ZBTB21: variants seen among roughly 807,000 people sequenced by gnomAD.
ZBTB21 encodes zinc finger and BTB domain containing 21.
ZBTB21 carries 10 observed loss-of-function variants against 39.8 expected under a neutral mutation model. The ratio of observed to expected loss-of-function variants is 0.25; its 90% CI spans 0.16 to 0.43. The LOEUF is 0.43. ZBTB21 is among the 20% of genes least tolerant of loss of function. The pLI is 1.00. For missense variants in ZBTB21, 1,221 were observed against 1,296.3 expected, an observed-to-expected ratio of 0.94 and a Z score of 0.89; for synonymous variants, 551 against 498.8, an observed-to-expected ratio of 1.10 and a Z score of -1.40.
In ZBTB21 at chr21:41,994,006, A is replaced by G; in HGVS notation, c.90T>C (p.Cys30=). 6.2e-7 allele frequency: 1 copy of G among 1,614,268 alleles called. No homozygotes were observed. Among genetic ancestry groups the G allele is most frequent in the Non-Finnish European group, 8.5e-7 (1 of 1,180,050 alleles). Residue 30 remains cysteine (C), a synonymous_variant, in exon 3 of 3, where the codon TGT becomes TGC. Transcript: ENST00000310826. ...LNEERLKGQL[C]DVLLIVGDQK... ...GGTCTCCAACAATCAGCAGCACATC[A>G]CACAGCTGTCCTTTGAGACGCTCCT...
intron 1 of ZBTB21, 94 bp downstream of exon 1, chr21:42,010,158 G>C: frequency 1.3e-5 from 5 of 390,284 alleles, no homozygotes; most frequent in Non-Finnish European, 2.3e-5. Context: ...TCACCTCAGA[G>C]TTACGTCAGG....
chr21:41,991,873 C>T lies in ZBTB21; in HGVS notation c.2223G>A (p.Glu741=). 1 of 1,614,200 alleles carries T rather than the reference C, an allele frequency of 6.2e-7. No individual in the cohort carries two copies. Among genetic ancestry groups the T allele is most frequent in the Non-Finnish European group, 8.5e-7 (1 of 1,180,048 alleles). The change falls in exon 3 of 3, where the codon GAG becomes GAA. Residue 741 remains glutamate (E), a synonymous_variant. Coordinates refer to ENST00000310826, the MANE Select transcript of ZBTB21 (RefSeq NM_001098402.2). The surrounding 1 kb of genome is among the most constrained non-coding windows in gnomAD (Gnocchi z 4.9). ...LSSLLEQGSH[E]RLCRNAAVCP... ...AGACGGCCGCGTTCCGGCACAGCCG[C>T]TCGTGGCTTCCTTGCTCTAGGAGAG... is the stretch of plus-strand genomic sequence containing the variant.
Position 41,989,646 on chromosome 21 carries a change from A to C in ZBTB21, c.*1249T>G, listed in dbSNP as rs370919283. 1.6e-4 allele frequency: 25 copies of C among 152,316 alleles called. No homozygotes were observed. Among genetic ancestry groups the C allele is most frequent in the African/African-American group, 6.0e-4 (25 of 41,578 alleles). 9.4% of individuals were successfully genotyped at this position (152,316 alleles called of 1,614,324 possible). A position where few individuals can be genotyped will look rare whatever the true frequency, so the allele number is the denominator to read the frequency against. On this transcript the variant is annotated 3_prime_UTR_variant, in exon 3 of 3. Transcript: ENST00000310826. Reference sequence around the variant, plus strand: ...ACCCATGGAGCAAAATAAGTAGCTAAAACTAATTTTGGACCACTGATAGTG... The same window carrying C: ...ACCCATGGAGCAAAATAAGTAGCTACAACTAATTTTGGACCACTGATAGTG...
chr21:41,994,133 T>C (rs372789781), intron 2 of ZBTB21, 25 bp from the exon 3 acceptor site: 10 of 1,532,070 alleles, frequency 6.5e-6, no homozygotes, highest in Non-Finnish European at 8.7e-6. Flanking sequence ...GTAAAATTAC[T>C]ACAGATATTG....
chr21:41,992,841 C>T lies in ZBTB21; in HGVS notation c.1255G>A (p.Glu419Lys), dbSNP rs1169584905. ...ACCTCAGTCACAGGGGAAGCTCCCT[C>T]CCTGTCTGTTGACTGAGAAGCACTA... is the stretch of plus-strand genomic sequence containing the variant. ...SFSASQSTDR[E>K]GASPVTEVRI... Residue 419 changes from glutamate to lysine, a missense_variant, in exon 3 of 3, where the codon GAG becomes AAG. Around this residue, in one of 4 missense-constraint regions of ZBTB21, gnomAD observed 500 missense variants for 465.6 expected, o/e 1.07. Transcript: ENST00000310826. The surrounding 1 kb of genome is among the most constrained non-coding windows in gnomAD (Gnocchi z 4.1). 6 of 1,614,048 alleles carry T rather than the reference C, an allele frequency of 3.7e-6. No homozygotes were observed. The highest frequency in any genetic ancestry group is 1.1e-5 in the South Asian group (1 of 91,072).
intron 1 of ZBTB21, among the ~76,000 whole-genome samples, chr21:42,003,389 A>G (rs2065840525): frequency 6.6e-6 from 1 of 152,204 alleles, no homozygotes; most frequent in South Asian, 2.1e-4. Flanking sequence ...TAGGACAGAC[A>G]ATAATTAACA....
chr21:41,993,350 C>CT lies in ZBTB21; in HGVS notation c.745dup (p.Arg249LysfsTer6). ...ACCTGGTTTATCATCCATAGCTTCT[C>CT]TGTCTTGCAGAGGCTTTGAAGGCAA... is the stretch of plus-strand genomic sequence containing the variant. On this transcript the variant is annotated frameshift_variant, in exon 3 of 3. Transcript: ENST00000310826. LOFTEE classifies it high-confidence loss of function. The CT allele has an allele frequency of 6.2e-7, 1 of 1,613,796 alleles. No homozygotes were observed. Among genetic ancestry groups the CT allele is most frequent in the Non-Finnish European group, 8.5e-7 (1 of 1,179,924 alleles).
At chr21:41,997,716 C>A (rs527896367) in intron 2 of ZBTB21, among the ~76,000 whole-genome samples, 2 of 152,164 alleles carry the variant, frequency 1.3e-5, no homozygotes, top group Non-Finnish European at 2.9e-5. Flanking sequence ...TCAACAATAG[C>A]ACAAAGGAAA....
chr21:41,998,217 G>C (rs2065775057), intron 2 of ZBTB21, among the ~76,000 whole-genome samples: 1 of 149,042 alleles, frequency 6.7e-6, no homozygotes, highest in East Asian at 2.0e-4. Flanking sequence ...TTCTAGACAG[G>C]GTCTCGCTCT....
At chr21:41,999,923 T>C (rs2146317541) in intron 2 of ZBTB21, among the ~76,000 whole-genome samples, 1 of 152,318 alleles carries the variant, frequency 6.6e-6, no homozygotes, top group South Asian at 2.1e-4. Flanking sequence ...AGCAGAGGAA[T>C]GACAAAGACC....
chr21:41,992,190 T>A lies in ZBTB21; in HGVS notation c.1906A>T (p.Ile636Phe), dbSNP rs774925674. The A allele has an allele frequency of 6.2e-7, 1 of 1,614,194 alleles. No homozygotes were observed. The highest frequency in any genetic ancestry group is 8.5e-7 in the Non-Finnish European group (1 of 1,180,034). Residue 636 changes from isoleucine to phenylalanine, a missense_variant, in exon 3 of 3, where the codon ATC becomes TTC. By Grantham distance (21) the Ile-to-Phe change is conservative. Transcript: ENST00000310826. The surrounding 1 kb of genome is among the most constrained non-coding windows in gnomAD (Gnocchi z 4.1). Reference sequence around the variant, plus strand: ...GGCTTGCCGCGCCTTAACTTAATGATCAGGGCCTTCTTAATTTCTCTCTCT... The same window carrying A: ...GGCTTGCCGCGCCTTAACTTAATGAACAGGGCCTTCTTAATTTCTCTCTCT... ...VREREIKKAL[I>F]IKLRRGKPGF...
chr21:41,988,185 T>C lies in ZBTB21; in HGVS notation c.*2710A>G, dbSNP rs1234794862. 1 of 129,988 alleles carries C rather than the reference T, an allele frequency of 7.7e-6. No individual in the cohort carries two copies. The highest frequency in any genetic ancestry group is 3.0e-5 in the African/African-American group (1 of 33,744). 8.1% of individuals were successfully genotyped at this position (129,988 alleles called of 1,614,324 possible). A position where few individuals can be genotyped will look rare whatever the true frequency, so the allele number is the denominator to read the frequency against. On this transcript the variant is annotated 3_prime_UTR_variant, in exon 3 of 3. Transcript: ENST00000310826. ...CTTTGAGTGATAAAAACATGTTTTATGTTACTCCTTCCTTCTCCCACATAA... is the reference window on the plus strand; with the variant it reads ...CTTTGAGTGATAAAAACATGTTTTACGTTACTCCTTCCTTCTCCCACATAA...
At chr21:42,004,612 C>G (rs2065856913) in intron 1 of ZBTB21, among the ~76,000 whole-genome samples, 1 of 152,186 alleles carries the variant, frequency 6.6e-6, no homozygotes, top group Admixed American at 6.5e-5. Flanking sequence ...AGCCACAAAA[C>G]TGCTACTACC....
intron 1 of ZBTB21, chr21:42,009,109 C>CCAG (rs750429928): frequency 1.3e-5 from 2 of 152,018 alleles, no homozygotes; most frequent in Non-Finnish European, 2.9e-5. Context: ...AGGCTCGGTG[C>CCAG]CAGGGCTGTG....
intron 2 of ZBTB21, among the ~76,000 whole-genome samples, chr21:42,000,345 G>C (rs1431758093): frequency 1.3e-5 from 2 of 152,064 alleles, no homozygotes; most frequent in South Asian, 2.1e-4. Flanking sequence ...TGCTTCCTGG[G>C]ATCAGTTCCC....
intron 1 of ZBTB21, among the ~76,000 whole-genome samples, chr21:42,005,151 C>T (rs2065864296): frequency 6.6e-6 from 1 of 152,204 alleles, no homozygotes; most frequent in African/African-American, 2.4e-5. Context: ...TGCACCTTAG[C>T]AGAGCAGACT....
At position 41,989,597 on chromosome 21, in the gene ZBTB21, A is replaced by G. The variant is rs117131870; in HGVS notation, c.*1298T>C. 1 of 152,168 alleles carries G rather than the reference A, an allele frequency of 6.6e-6. No individual in the cohort carries two copies. The highest frequency in any genetic ancestry group is 1.5e-5 in the Non-Finnish European group (1 of 67,994). The allele number at this position is 152,168 out of a possible 1,614,324, so 9.4% of individuals were successfully genotyped here. On this transcript the variant is annotated 3_prime_UTR_variant, in exon 3 of 3. Coordinates refer to ENST00000310826, the MANE Select transcript of ZBTB21 (RefSeq NM_001098402.2). The stretch of plus-strand genomic sequence containing the variant: ...AAAGGCTTTCAATTACAAATTATAC[A>G]TAGTATTCTTTGAAAAGCCCAAAAC...
intron 2 of ZBTB21, among the ~76,000 whole-genome samples, chr21:41,995,110 A>G (rs994013770): frequency 6.6e-6 from 1 of 152,208 alleles, no homozygotes; most frequent in African/African-American, 2.4e-5. Flanking sequence ...AAAATGGACT[A>G]ATACAGTAAA....
At chr21:41,994,516 A>C (rs905794604) in intron 2 of ZBTB21, among the ~76,000 whole-genome samples, 1 of 152,248 alleles carries the variant, frequency 6.6e-6, no homozygotes, top group Non-Finnish European at 1.5e-5. Flanking sequence ...TATAATTCTG[A>C]AAGAAAATCA....
Sources: gnomAD v4.1 joint callset for allele counts (sites outside exome capture counted in the v4.1 genomes callset) on GRCh38, gnomAD v4.1.1 for gene constraint, gnomAD v4.1.1 regional missense constraint, Gnocchi (gnomAD v3.1) non-coding constraint, MANE v1.5 for transcripts, NCBI Gene and HGNC (gene_info 2026-07-23, HGNC 2026-07-21) for gene names.